Variants in COL24A1 observed in about 807,000 individuals in gnomAD.
COL24A1 encodes the protein collagen alpha-1(XXIV) chain.
In COL24A1, 224 loss-of-function variants were observed where a neutral mutation model predicts 253.9. The observed-to-expected ratio is 0.88, with a 90% CI of 0.79 to 0.99. COL24A1 has a LOEUF of 0.99. COL24A1 is among the 50% of genes least tolerant of loss of function. The probability of loss-of-function intolerance (pLI) is 0.00; values close to 1 mark genes in which losing one functional copy is unlikely to be tolerated. For synonymous variants in COL24A1, 685 were observed against 673.7 expected (o/e 1.02, Z -0.26); for missense variants, 2,131 against 2,068.5 (o/e 1.03, Z -0.59).
intron 24 of COL24A1, among the ~76,000 whole-genome samples, chr1:85,955,819 A>ATT (rs1690402843): frequency 6.6e-6 from 1 of 152,188 alleles, no homozygotes; most frequent in African/African-American, 2.4e-5. Context: ...CTTCTACGAT[A>ATT]TTTTTTTCTG....
At chr1:86,034,340 TA>T (rs1257923522) in intron 12 of COL24A1, among the ~76,000 whole-genome samples, 2 of 152,174 alleles carry the variant, frequency 1.3e-5, no homozygotes, top group Non-Finnish European at 2.9e-5. Context: ...TGCCATGTGC[TA>T]AAGGGTTTAT....
chr1:86,104,190 T>C lies in COL24A1; in HGVS notation c.1599+8377A>G, dbSNP rs374075320. 3.3e-5 allele frequency among the ~76,000 whole-genome samples: 5 copies of C among 152,206 alleles called. No individual in the cohort carries two copies. In the East Asian group the frequency reaches 5.8e-4, roughly 18 times the overall value. ...GTCTGTTTTAACACATGTGATTGTATTATGAAATTCTTATGTGTTTTTTTC... is the reference window on the plus strand; with the variant it reads ...GTCTGTTTTAACACATGTGATTGTACTATGAAATTCTTATGTGTTTTTTTC... On this transcript the variant is annotated intron_variant, in intron 5 of 59. Coordinates refer to ENST00000370571, the MANE Select transcript of COL24A1 (RefSeq NM_152890.7).
chr1:85,871,547 C>A (rs935492064), intron 35 of COL24A1, among the ~76,000 whole-genome samples: 2 of 152,056 alleles, frequency 1.3e-5, no homozygotes, highest in African/African-American at 4.8e-5. Context: ...TCAACATATG[C>A]GAATCAATAA....
chr1:85,824,475 C>T (rs150108268), intron 43 of COL24A1, among the ~76,000 whole-genome samples: 236 of 152,316 alleles, frequency 1.5e-3, no homozygotes, highest in African/African-American at 5.0e-3. Flanking sequence ...ACCTCTTCCT[C>T]CTCCGAAAGT....
chr1:86,043,799 T>C lies in COL24A1; in HGVS notation c.1950+3026A>G, dbSNP rs550967671. The stretch of plus-strand genomic sequence containing the variant: ...CCTCGGCCCCCCAAAGCACTGGGAT[T>C]ATAGGCATGAGCCACCATGCCCGGC... On this transcript the variant is annotated intron_variant, in intron 12 of 59. Coordinates refer to ENST00000370571, the MANE Select transcript of COL24A1 (RefSeq NM_152890.7). 8.5e-5 allele frequency among the ~76,000 whole-genome samples: 13 copies of C among 152,308 alleles called. 1 individual carries two copies. The East Asian group carries it at 1.4e-3, about 16-fold the overall frequency.
At chr1:86,108,620 T>TAAAGAAAAAAAAAAAAAAAAAAA (rs1491169938) in intron 5 of COL24A1, among the ~76,000 whole-genome samples, 3 of 83,096 alleles carry the variant, frequency 3.6e-5, no homozygotes, top group African/African-American at 1.5e-4. Flanking sequence ...CCATCTCTAC[T>TAAAGAAAAAAAAAAAAAAAAAAA]AAAAAAAAAA....
intron 11 of COL24A1, among the ~76,000 whole-genome samples, chr1:86,049,330 T>C (rs1009547243): frequency 6.6e-6 from 1 of 152,202 alleles, no homozygotes; most frequent in Non-Finnish European, 1.5e-5. Flanking sequence ...CACTGAAAAC[T>C]ATTTATTTGA....
chr1:85,925,470 C>G (rs1571245081), intron 24 of COL24A1, among the ~76,000 whole-genome samples: 1 of 152,134 alleles, frequency 6.6e-6, no homozygotes, highest in East Asian at 1.9e-4. Flanking sequence ...GTTACCAAAA[C>G]AGAGCTATAG....
intron 34 of COL24A1, among the ~76,000 whole-genome samples, chr1:85,874,945 T>C (rs1273291356): frequency 6.6e-6 from 1 of 152,184 alleles, no homozygotes; most frequent in Non-Finnish European, 1.5e-5. Context: ...CGAACCCTAT[T>C]GTCAACTGTG....
chr1:85,845,475 ATTAGAAGCATT>A (rs1677061512), intron 39 of COL24A1, among the ~76,000 whole-genome samples: 1 of 151,972 alleles, frequency 6.6e-6, no homozygotes, highest in Non-Finnish European at 1.5e-5. Context: ...TATTATAAGC[ATTAGAAGCATT>A]TTCACTAAAG....
At chr1:85,738,290 A>C (rs1664263914) in intron 57 of COL24A1, among the ~76,000 whole-genome samples, 1 of 152,214 alleles carries the variant, frequency 6.6e-6, no homozygotes, top group Non-Finnish European at 1.5e-5. Flanking sequence ...CTTTATGTAT[A>C]ATACTGATAA....
At chr1:85,952,476 T>G (rs920340451) in intron 24 of COL24A1, among the ~76,000 whole-genome samples, 1 of 152,230 alleles carries the variant, frequency 6.6e-6, no homozygotes, top group Non-Finnish European at 1.5e-5. Flanking sequence ...GTTTTCTGAT[T>G]TGAGAGTAAG....
At chr1:85,895,735 G>T in intron 31 of COL24A1, 123 bp downstream of exon 31, 1 of 759,598 alleles carries the variant, frequency 1.3e-6, no homozygotes, top group Non-Finnish European at 2.2e-6. Context: ...ATATCACATT[G>T]TATACTGCAA....
At chr1:85,921,100 C>G (rs1686416291) in intron 24 of COL24A1, among the ~76,000 whole-genome samples, 1 of 152,134 alleles carries the variant, frequency 6.6e-6, no homozygotes, top group Non-Finnish European at 1.5e-5. Context: ...TGGGTGCAGC[C>G]CATGGAGGGT....
chr1:85,885,394 TA>T (rs1433974549), intron 32 of COL24A1, among the ~76,000 whole-genome samples: 45 of 69,116 alleles, frequency 6.5e-4, no homozygotes, highest in African/African-American at 1.1e-3. Flanking sequence ...TATATATATA[TA>T]TATTTTTTTT....
At chr1:85,799,010 A>C (rs1425736105) in intron 47 of COL24A1, among the ~76,000 whole-genome samples, 2 of 152,124 alleles carry the variant, frequency 1.3e-5, no homozygotes, top group African/African-American at 4.8e-5. Context: ...GTTGAACTCG[A>C]TGAAAACATC....
chr1:85,829,592 C>T lies in COL24A1; in HGVS notation c.3682-5854G>A, dbSNP rs1164890256. Among the ~76,000 whole-genome samples the T allele has an allele frequency of 4.6e-5, 7 of 151,974 alleles. No homozygotes were observed. The East Asian group carries it at 9.7e-4, about 21-fold the overall frequency. On this transcript the variant is annotated intron_variant, in intron 43 of 59. Coordinates refer to ENST00000370571, the MANE Select transcript of COL24A1 (RefSeq NM_152890.7). ...ACGTAGATTTGGTTTTTTCATATAG[C>T]CCCATATTTCTTGGAGGCTTTGCTC...
chr1:85,926,339 G>C (rs1404255397), intron 24 of COL24A1, among the ~76,000 whole-genome samples: 1 of 152,178 alleles, frequency 6.6e-6, no homozygotes, highest in East Asian at 1.9e-4. Context: ...ATACCCAAAG[G>C]ATTGTAAGTC....
intron 7 of COL24A1, among the ~76,000 whole-genome samples, chr1:86,081,312 GT>G (rs35039724): frequency 0.99 from 146,725 of 147,526 alleles, 72,964 homozygotes; most frequent in Non-Finnish European, 1. Context: ...CTAATGTGAA[GT>G]TTTTTTTTTT....
Sources: gnomAD v4.1 joint callset for allele counts (sites outside exome capture counted in the v4.1 genomes callset) on GRCh38, gnomAD v4.1.1 for gene constraint, MANE v1.5 for transcripts, NCBI Gene and HGNC (gene_info 2026-07-23, HGNC 2026-07-21) for gene names.